The following SMYD3 variants were observed in gnomAD, a reference collection of about 807,000 sequenced individuals.
The protein encoded by SMYD3 is SET and MYND domain containing 3.
Under a neutral mutation model 57.7 loss-of-function variants are expected in SMYD3, and 36 were observed. The ratio of observed to expected loss-of-function variants is 0.62; its 90% CI spans 0.48 to 0.82. The LOEUF (loss-of-function observed/expected upper bound fraction) is 0.82. Among genes scored for constraint, SMYD3 ranks in the 40% least tolerant of loss-of-function variants. The pLI is 0.00. For synonymous variants in SMYD3, 211 were observed against 195.0 expected (o/e 1.08, Z -0.68); for missense variants, 515 against 538.8 (o/e 0.96, Z 0.44).
intron 1 of SMYD3, among the ~76,000 whole-genome samples, chr1:246,363,852 T>A (rs1447777361): frequency 1.3e-5 from 2 of 151,816 alleles, no homozygotes; most frequent in African/African-American, 4.8e-5. Context: ...CTGCTGACCT[T>A]CCCTCCACTA....
chr1:246,040,423 A>C (rs1046101389), intron 5 of SMYD3, among the ~76,000 whole-genome samples: 1 of 152,232 alleles, frequency 6.6e-6, no homozygotes, highest in Admixed American at 6.5e-5. Flanking sequence ...TGGGCTCAGA[A>C]TGGTGCTGAC....
At chr1:246,025,646 A>G (rs2059561151) in intron 5 of SMYD3, among the ~76,000 whole-genome samples, 1 of 152,196 alleles carries the variant, frequency 6.6e-6, no homozygotes, top group African/African-American at 2.4e-5. Context: ...TGTCTTTGCA[A>G]AGACAGAGAC....
At chr1:246,095,524 AC>A (rs1192000312) in intron 5 of SMYD3, among the ~76,000 whole-genome samples, 1 of 152,224 alleles carries the variant, frequency 6.6e-6, no homozygotes, top group East Asian at 1.9e-4. Context: ...AGAAGACTGC[AC>A]AAAACCTGGA....
At chr1:246,043,768 G>A (rs1216238054) in intron 5 of SMYD3, among the ~76,000 whole-genome samples, 1 of 152,220 alleles carries the variant, frequency 6.6e-6, no homozygotes, top group Non-Finnish European at 1.5e-5. Flanking sequence ...GTCTGAGGAG[G>A]TAGTTCTTCC....
intron 1 of SMYD3, among the ~76,000 whole-genome samples, chr1:246,487,766 C>G (rs1219436927): frequency 6.6e-6 from 1 of 151,206 alleles, no homozygotes; most frequent in Non-Finnish European, 1.5e-5. Flanking sequence ...GCGACCTCAG[C>G]TCACCACAAC....
intron 5 of SMYD3, among the ~76,000 whole-genome samples, chr1:246,115,617 CA>C (rs1445252278): frequency 6.6e-6 from 1 of 152,218 alleles, no homozygotes; most frequent in Non-Finnish European, 1.5e-5. Flanking sequence ...AGGGAAAAAG[CA>C]GCATGGTTTC....
At chr1:245,907,784 A>G (rs1416519778) in intron 8 of SMYD3, among the ~76,000 whole-genome samples, 1 of 152,196 alleles carries the variant, frequency 6.6e-6, no homozygotes, top group Non-Finnish European at 1.5e-5. Flanking sequence ...ACAACAACAA[A>G]AAGAATCTAA....
chr1:246,298,798 A>G (rs1222375244), intron 5 of SMYD3, among the ~76,000 whole-genome samples: 1 of 152,108 alleles, frequency 6.6e-6, no homozygotes, highest in Non-Finnish European at 1.5e-5. Flanking sequence ...TAAAAATTTC[A>G]TGGGGAAAAA....
At chr1:246,012,367 C>T (rs77475786) in intron 5 of SMYD3, among the ~76,000 whole-genome samples, 8,940 of 152,232 alleles carry the variant, frequency 0.059, 284 homozygotes, top group African/African-American at 0.068. Flanking sequence ...AGAGTTTCCA[C>T]GTGAGGAGAG....
chr1:246,158,900 AG>A lies in SMYD3; in HGVS notation c.531+168300del, dbSNP rs2062068209. ...GATAGAGCAATGAACAAGATACACC[AG>A]GTCCTTATTCCAATGGAGCTTAATT... On this transcript the variant is annotated intron_variant, in intron 5 of 11. Transcript: ENST00000490107. Among the ~76,000 whole-genome samples the A allele has an allele frequency of 2.6e-5, 4 of 152,344 alleles. No individual in the cohort carries two copies. The South Asian group carries it at 8.3e-4, about 32-fold the overall frequency.
chr1:245,842,845 G>A (rs1269424279), intron 10 of SMYD3, among the ~76,000 whole-genome samples: 1 of 151,914 alleles, frequency 6.6e-6, no homozygotes, highest in African/African-American at 2.4e-5. Flanking sequence ...CGATGAGCTG[G>A]GACTAAAGGT....
chr1:246,326,803 T>A (rs974203560), intron 5 of SMYD3: 3 of 252,978 alleles, frequency 1.2e-5, no homozygotes, highest in African/African-American at 6.8e-5. Flanking sequence ...TTTCAATAAA[T>A]TTTTCATTTC....
chr1:245,755,760 T>G (rs1307590242), intron 11 of SMYD3, among the ~76,000 whole-genome samples: 1 of 152,178 alleles, frequency 6.6e-6, no homozygotes, highest in East Asian at 1.9e-4. Context: ...CATTTTGCTT[T>G]CAACCTATTT....
At chr1:246,279,535 A>AC (rs1449787964) in intron 5 of SMYD3, among the ~76,000 whole-genome samples, 2 of 152,142 alleles carry the variant, frequency 1.3e-5, no homozygotes, top group East Asian at 3.9e-4. Flanking sequence ...AAAAACAAAA[A>AC]CAAAAAAAAA....
At chr1:246,242,315 A>G (rs1445321264) in intron 5 of SMYD3, among the ~76,000 whole-genome samples, 3 of 152,180 alleles carry the variant, frequency 2.0e-5, no homozygotes, top group Non-Finnish European at 4.4e-5. Flanking sequence ...AGTTTCAAAG[A>G]ACATCTTTAT....
At chr1:246,028,300 T>C in intron 5 of SMYD3, among the ~76,000 whole-genome samples, 1 of 152,162 alleles carries the variant, frequency 6.6e-6, no homozygotes, top group South Asian at 2.1e-4. Flanking sequence ...GGAAGTCAAA[T>C]TGTCCCTCTT....
intron 5 of SMYD3, among the ~76,000 whole-genome samples, chr1:246,087,843 T>C (rs1558216412): frequency 2.0e-5 from 3 of 152,140 alleles, no homozygotes; most frequent in African/African-American, 7.2e-5. Flanking sequence ...CCGTCCTCAG[T>C]ACTCCAACTG....
At chr1:246,168,698 T>C (rs1391669763) in intron 5 of SMYD3, among the ~76,000 whole-genome samples, 2 of 152,210 alleles carry the variant, frequency 1.3e-5, no homozygotes, top group African/African-American at 2.4e-5. Flanking sequence ...TTAAGACTCA[T>C]TCCTTTCTGC....
At chr1:246,100,317 G>A (rs954332227) in intron 5 of SMYD3, among the ~76,000 whole-genome samples, 11 of 152,238 alleles carry the variant, frequency 7.2e-5, no homozygotes, top group Admixed American at 4.6e-4. Flanking sequence ...GGAAAAGCCA[G>A]GTAGGTAGTG....
Sources: gnomAD v4.1 joint callset for allele counts (sites outside exome capture counted in the v4.1 genomes callset) on GRCh38, gnomAD v4.1.1 for gene constraint, MANE v1.5 for transcripts, NCBI Gene and HGNC (gene_info 2026-07-23, HGNC 2026-07-21) for gene names.